RYR1: variants seen among roughly 807,000 people sequenced by gnomAD.
The protein encoded by RYR1 is ryanodine receptor 1.
A neutral mutation model predicts 583.5 loss-of-function variants in RYR1; 342 were observed. The ratio of observed to expected loss-of-function variants is 0.59; its 90% CI spans 0.54 to 0.64. RYR1 has a LOEUF of 0.64. RYR1 is among the 30% of genes least tolerant of loss of function. The pLI is 0.00. For synonymous variants in RYR1, 2,791 were observed against 2,822.5 expected, an observed-to-expected ratio of 0.99 and a Z score of 0.35; for missense variants, 6,032 against 6,917.2, an observed-to-expected ratio of 0.87 and a Z score of 4.54.
intron 20 of RYR1, 141 bp from the exon 21 acceptor site, chr19:38,463,282 A>T: frequency 1.4e-6 from 1 of 702,500 alleles, no homozygotes; most frequent in Non-Finnish European, 2.6e-6. Flanking sequence ...AAGGCGAGGG[A>T]TGGGGAGCAG....
intron 39 of RYR1, among the ~76,000 whole-genome samples, chr19:38,495,175 A>C (rs897812310): frequency 1.3e-5 from 2 of 152,008 alleles, no homozygotes; most frequent in African/African-American, 4.8e-5. Flanking sequence ...TTTGAGCTTC[A>C]GTTTCCTCAT....
intron 83 of RYR1, among the ~76,000 whole-genome samples, chr19:38,537,300 A>G (rs539745900): frequency 4.0e-5 from 6 of 151,520 alleles, no homozygotes; most frequent in Non-Finnish European, 7.4e-5. Flanking sequence ...CTCCTCCCCT[A>G]CCGCCCACCA....
intron 76 of RYR1, among the ~76,000 whole-genome samples, chr19:38,531,780 C>T (rs186343742): frequency 1.0e-3 from 155 of 152,192 alleles, no homozygotes; most frequent in African/African-American, 3.4e-3. Flanking sequence ...TTGGTATGTG[C>T]CTGTAGTCCC....
chr19:38,507,018 G>C, intron 57 of RYR1, 66 bp downstream of exon 57: 1 of 1,608,882 alleles, frequency 6.2e-7, no homozygotes, highest in South Asian at 1.1e-5. Flanking sequence ...GCTGGAAGGG[G>C]CGGGGCCAGA....
intron 64 of RYR1, among the ~76,000 whole-genome samples, chr19:38,515,800 A>T (rs961840797): frequency 2.6e-5 from 4 of 152,030 alleles, no homozygotes; most frequent in African/African-American, 9.7e-5. Context: ...CTAGCTAGGC[A>T]TGGTATGGTG....
chr19:38,452,672 G>T (rs1023314817), intron 12 of RYR1, 147 bp from the exon 13 acceptor site: 1 of 746,766 alleles, frequency 1.3e-6, no homozygotes, highest in Non-Finnish European at 2.2e-6. Context: ...TGTGACCTCG[G>T]ACAAATGCTT....
chr19:38,536,232 C>T (rs1249904781), intron 82 of RYR1, among the ~76,000 whole-genome samples, 162 bp downstream of exon 82: 1 of 135,566 alleles, frequency 7.4e-6, no homozygotes, highest in African/African-American at 2.9e-5. Flanking sequence ...CCAGTCCCAC[C>T]CCCTCCATCC....
intron 42 of RYR1, among the ~76,000 whole-genome samples, chr19:38,497,542 T>C (rs1969903289): frequency 6.6e-6 from 1 of 152,256 alleles, no homozygotes; most frequent in Non-Finnish European, 1.5e-5. Flanking sequence ...CATGGAGTCA[T>C]TCTGAGGATT....
rs765672767 is a variant in RYR1 at position 38,506,543 on chromosome 19, A to G, written c.8689A>G (p.Lys2897Glu). 2.5e-6 allele frequency: 4 copies of G among 1,613,972 alleles called. No homozygotes were observed. Among genetic ancestry groups the G allele is most frequent in the Non-Finnish European group, 3.4e-6 (4 of 1,179,952 alleles). The stretch of plus-strand genomic sequence containing the variant: ...GAAGAAGAAGCAGGAGCTGGAAGCC[A>G]AAGGTGAGGGCGCCCATGCCGCCCC... ...GRKKKQELEA[K>E]GGGTHPLLVP... The change falls in exon 56 of 106, where the codon AAA becomes GAA. Residue 2897 changes from lysine (K) to glutamate (E), a missense_variant. This residue lies in a region of RYR1 where 1,493 missense variants were observed against 1,715.5 expected (regional missense o/e 0.87). Coordinates refer to ENST00000359596, the MANE Select transcript of RYR1 (RefSeq NM_000540.3).
chr19:38,504,764 TGTACC>T lies in RYR1; in HGVS notation c.8086_8090del (p.Tyr2696HisfsTer25). On this transcript the variant is annotated frameshift_variant, in exon 51 of 106. Transcript: ENST00000359596. LOFTEE classifies it high-confidence loss of function. Reference sequence around the variant, plus strand: ...TTTTCCCAGAAATACGACCCGGAGCTGTACCGCATGGCCATGCCTTGTCTGTGCGC... The same window carrying T: ...TTTTCCCAGAAATACGACCCGGAGCTGCATGGCCATGCCTTGTCTGTGCGC... 1.2e-6 allele frequency: 2 copies of T among 1,614,136 alleles called. No homozygotes were observed. Among genetic ancestry groups the T allele is most frequent in the Non-Finnish European group, 1.7e-6 (2 of 1,180,030 alleles).
At chr19:38,487,101 C>G (rs1475751501) in intron 34 of RYR1, among the ~76,000 whole-genome samples, 4 of 152,104 alleles carry the variant, frequency 2.6e-5, no homozygotes, top group Admixed American at 2.6e-4. Flanking sequence ...TCTCCTCCCA[C>G]CTATGCGTCC....
At chr19:38,502,761 G>GCAGGGGCAGGGA in intron 48 of RYR1, 34 bp downstream of exon 48, 1 of 614,778 alleles carries the variant, frequency 1.6e-6, no homozygotes. Context: ...TGGGGCAGGG[G>GCAGGGGCAGGGA]CAGGGGCAGG....
intron 33 of RYR1, among the ~76,000 whole-genome samples, chr19:38,484,270 C>A (rs985832967): frequency 1.3e-5 from 2 of 152,088 alleles, no homozygotes; most frequent in Admixed American, 6.6e-5. Context: ...CCAGCCTGGG[C>A]AACAGAGCAA....
At chr19:38,515,493 G>A (rs76697375) in intron 64 of RYR1, among the ~76,000 whole-genome samples, 2,048 of 152,328 alleles carry the variant, frequency 0.013, 59 homozygotes, top group African/African-American at 0.047. Flanking sequence ...CAGCTCTGAA[G>A]TTATTCAGAT....
intron 47 of RYR1, among the ~76,000 whole-genome samples, chr19:38,501,848 T>G (rs992983631): frequency 6.6e-6 from 1 of 152,158 alleles, no homozygotes. Context: ...TAGCTGGGCA[T>G]GGTGCTGCAC....
intron 33 of RYR1, among the ~76,000 whole-genome samples, chr19:38,484,223 C>T (rs111484073): frequency 0.12 from 17,957 of 151,952 alleles, 1,201 homozygotes; most frequent in South Asian, 0.2. Flanking sequence ...ACCCAGGAGG[C>T]GGAGGTTGCA....
rs150838101 is a variant in RYR1, at chr19:38,561,646, G to A, written c.12624+192G>A. Among the ~76,000 whole-genome samples the A allele has an allele frequency of 3.7e-3, 568 of 152,288 alleles. 2 individuals carry two copies. The highest frequency in any genetic ancestry group is 0.012 in the African/African-American group (489 of 41,552). On this transcript the variant is annotated intron_variant, in intron 90 of 105. Transcript: ENST00000359596. The surrounding 1 kb of genome is among the most constrained non-coding windows in gnomAD (Gnocchi z 4.8). ...CTTGCACATCCCTGGCTCGCCCCTG[G>A]CCACTTCTTGCGGACCTGGCCCACA...
At chr19:38,485,434 A>G (rs1969231009) in intron 33 of RYR1, among the ~76,000 whole-genome samples, 156 bp from the exon 34 acceptor site, 1 of 152,138 alleles carries the variant, frequency 6.6e-6, no homozygotes, top group African/African-American at 2.4e-5. Context: ...TTCTCCCAGG[A>G]TGGGTGAATT....
In RYR1 at chr19:38,496,509, G is replaced by A; in HGVS notation, c.6764G>A (p.Ser2255Asn). The change falls in exon 41 of 106, where the codon AGC becomes AAC. Residue 2255 changes from serine (S) to asparagine (N), a missense_variant. Around this residue, in one of 11 missense-constraint regions of RYR1, gnomAD observed 2,627 missense variants for 2,961.3 expected, o/e 0.89. Transcript: ENST00000359596. The surrounding 1 kb of genome is among the most constrained non-coding windows in gnomAD (Gnocchi z 4.8). ...CAGCGCTCCATGTTTGACCACCTGA[G>A]CTACCTGCTGGAGAACAGTGGCATC... ...QNQRSMFDHLSYLLENSGIGL... is the reference protein window; with the variant it reads ...QNQRSMFDHLNYLLENSGIGL... 6.2e-7 allele frequency: 1 copy of A among 1,613,542 alleles called. No individual in the cohort carries two copies. The highest frequency in any genetic ancestry group is 8.5e-7 in the Non-Finnish European group (1 of 1,180,034).
Sources: gnomAD v4.1 joint callset for allele counts (sites outside exome capture counted in the v4.1 genomes callset) on GRCh38, gnomAD v4.1.1 for gene constraint, gnomAD v4.1.1 regional missense constraint, Gnocchi (gnomAD v3.1) non-coding constraint, MANE v1.5 for transcripts, NCBI Gene and HGNC (gene_info 2026-07-23, HGNC 2026-07-21) for gene names.